Variants in PREX2 observed in about 807,000 individuals in gnomAD.
The protein encoded by PREX2 is phosphatidylinositol 3,4,5-trisphosphate-dependent Rac exchanger 2 protein.
PREX2 carries 107 observed loss-of-function variants against 203.2 expected under a neutral mutation model. That is an observed-to-expected ratio of 0.53 (90% CI 0.45 to 0.62). The LOEUF is 0.62. Among genes scored for constraint, PREX2 ranks in the 20% least tolerant of loss-of-function variants. The probability of loss-of-function intolerance (pLI) is 0.00; values close to 1 mark genes in which losing one functional copy is unlikely to be tolerated. For synonymous variants in PREX2, 672 were observed against 663.6 expected (o/e 1.01, Z -0.19); for missense variants, 1,777 against 1,955.9 (o/e 0.91, Z 1.72).
chr8:68,041,627 G>A (rs545253855), intron 7 of PREX2, among the ~76,000 whole-genome samples: 1 of 152,040 alleles, frequency 6.6e-6, no homozygotes, highest in Admixed American at 6.6e-5. Flanking sequence ...GCTCTTCTAG[G>A]TTCTCTGTGT....
In PREX2 at chr8:68,191,737, C is replaced by T; in HGVS notation, c.4362C>T (p.Asp1454=). ...YNQKLRAFYL[D]KSNSPPNSTS... is the part of the protein sequence containing the mutation. ...ATTCTTACAGGGCATTCTACTTGGA[C>T]AAGTCAAATTCACCACCAAACTCCA... Residue 1454 remains aspartate, a synonymous_variant, in exon 36 of 40, where the codon GAC becomes GAT. Coordinates refer to ENST00000288368, the MANE Select transcript of PREX2 (RefSeq NM_024870.4). 1 of 1,609,496 alleles carries T rather than the reference C, an allele frequency of 6.2e-7. No homozygotes were observed. Among genetic ancestry groups the T allele is most frequent in the Non-Finnish European group, 8.5e-7 (1 of 1,176,014 alleles).
At position 68,080,485 on chromosome 8, in the gene PREX2, G is replaced by A. The variant is rs182978151; in HGVS notation, c.1685G>A (p.Arg562His). Reference sequence around the variant, plus strand: ...TTCAAAGATGAACCCCTACTTTTCCGTTTTTTTTCGGATGAGGAAATGGAG... The same window carrying A: ...TTCAAAGATGAACCCCTACTTTTCCATTTTTTTTCGGATGAGGAAATGGAG... The part of the protein sequence containing the change: ...SEFKDEPLLF[R>H]FFSDEEMEGS... The change falls in exon 16 of 40, where the codon CGT becomes CAT. Residue 562 changes from arginine to histidine, a missense_variant. Transcript: ENST00000288368. 16 of 1,610,554 alleles carry A rather than the reference G, an allele frequency of 9.9e-6. No individual in the cohort carries two copies. The highest frequency in any genetic ancestry group is 2.7e-5 in the African/African-American group (2 of 74,600).
At chr8:68,063,039 C>G (rs1309017385) in intron 11 of PREX2, among the ~76,000 whole-genome samples, 1 of 152,094 alleles carries the variant, frequency 6.6e-6, no homozygotes, top group Admixed American at 6.5e-5. Flanking sequence ...GTTTCATTAG[C>G]ATCATTAAAA....
At chr8:68,189,412 C>T (rs904742547) in intron 35 of PREX2, among the ~76,000 whole-genome samples, 2 of 152,140 alleles carry the variant, frequency 1.3e-5, no homozygotes, top group African/African-American at 4.8e-5. Context: ...CAGCTCCTGC[C>T]CCATTGCATG....
intron 35 of PREX2, among the ~76,000 whole-genome samples, chr8:68,160,017 T>A (rs7831861): frequency 0.3 from 45,209 of 152,032 alleles, 7,006 homozygotes; most frequent in East Asian, 0.5. Flanking sequence ...ATCAGCAATA[T>A]CTCAAACAAA....
intron 15 of PREX2, among the ~76,000 whole-genome samples, chr8:68,078,442 C>T (rs1809414302): frequency 1.3e-5 from 2 of 152,264 alleles, no homozygotes; most frequent in East Asian, 1.9e-4. Flanking sequence ...GGATTATAGG[C>T]GTGAGCCACT....
chr8:68,020,655 G>C (rs1245986697), intron 3 of PREX2, among the ~76,000 whole-genome samples: 1 of 152,126 alleles, frequency 6.6e-6, no homozygotes, highest in Admixed American at 6.6e-5. Context: ...GGAAGATCAA[G>C]CTGTGTTTTT....
intron 23 of PREX2, chr8:68,102,829 G>GT (rs1206198174): frequency 7.7e-6 from 4 of 518,412 alleles, no homozygotes; most frequent in African/African-American, 7.7e-5. Flanking sequence ...GGCCACAGAT[G>GT]TTTTTTGGCA....
At chr8:68,089,591 G>A (rs910783469) in intron 19 of PREX2, among the ~76,000 whole-genome samples, 1 of 152,132 alleles carries the variant, frequency 6.6e-6, no homozygotes, top group Non-Finnish European at 1.5e-5. Context: ...TTTTCAGGCT[G>A]TTCTTTCTGC....
In PREX2 at chr8:68,182,560, G is replaced by T. The variant is rs1369162; in HGVS notation, c.4347-9162G>T. 3.8e-3 allele frequency among the ~76,000 whole-genome samples: 580 copies of T among 152,062 alleles called. 7 individuals are homozygous for T. The highest frequency in any genetic ancestry group is 0.013 in the African/African-American group (554 of 41,508). On this transcript the variant is annotated intron_variant, in intron 35 of 39. Coordinates refer to ENST00000288368, the MANE Select transcript of PREX2 (RefSeq NM_024870.4). Reference sequence around the variant, plus strand: ...AAAAATGTACATAATGATTTAATCTGTCTTTAAAATTAAACTCTGTAATAC... The same window carrying T: ...AAAAATGTACATAATGATTTAATCTTTCTTTAAAATTAAACTCTGTAATAC...
intron 39 of PREX2, among the ~76,000 whole-genome samples, chr8:68,227,720 T>C (rs890651121): frequency 6.6e-6 from 1 of 152,074 alleles, no homozygotes; most frequent in African/African-American, 2.4e-5. Context: ...GGACTGGAGA[T>C]GGTTGTTCTG....
At chr8:68,026,987 T>C (rs1019138396) in intron 4 of PREX2, among the ~76,000 whole-genome samples, 8 of 152,120 alleles carry the variant, frequency 5.3e-5, no homozygotes, top group African/African-American at 1.9e-4. Context: ...TCAGACTTCA[T>C]ACTCAGGAGA....
chr8:68,121,449 A>G (rs1175406574), intron 30 of PREX2, among the ~76,000 whole-genome samples: 1 of 152,166 alleles, frequency 6.6e-6, no homozygotes, highest in Admixed American at 6.5e-5. Flanking sequence ...AAATAATCAC[A>G]TAGGTTGCAT....
At chr8:68,105,064 G>A in intron 23 of PREX2, 7 of 1,151,454 alleles carry the variant, frequency 6.1e-6, no homozygotes, top group Non-Finnish European at 8.3e-6. Flanking sequence ...ATGTTTACAG[G>A]GCCATTTGCA....
chr8:68,210,934 T>A (rs16934309), intron 37 of PREX2, among the ~76,000 whole-genome samples: 9,064 of 152,248 alleles, frequency 0.06, 548 homozygotes, highest in East Asian at 0.33. Context: ...TATAGTGTAA[T>A]GAACCTAAGT....
intron 6 of PREX2, among the ~76,000 whole-genome samples, chr8:68,036,304 A>G: frequency 6.6e-6 from 1 of 152,210 alleles, no homozygotes; most frequent in Non-Finnish European, 1.5e-5. Flanking sequence ...TACTCCTTGC[A>G]TTTATTAAGA....
intron 1 of PREX2, among the ~76,000 whole-genome samples, chr8:68,015,953 A>G (rs1807398859): frequency 6.6e-6 from 1 of 152,170 alleles, no homozygotes; most frequent in Non-Finnish European, 1.5e-5. Context: ...ATTTCAGCTG[A>G]TGTTGAAGAG....
In PREX2 at chr8:68,231,364, G is replaced by C; in HGVS notation, c.4807G>C (p.Ala1603Pro). 2 of 1,599,548 alleles carry C rather than the reference G, an allele frequency of 1.3e-6. No homozygotes were observed. Among genetic ancestry groups the C allele is most frequent in the Non-Finnish European group, 1.7e-6 (2 of 1,173,964 alleles). ...CAAGCTGTGCGAGCCACCTCCCCCA[G>C]CTGGAGAAGAATGAAAAGAACTCCC... is the stretch of plus-strand genomic sequence containing the variant. ...LYKLCEPPPP[A>P]GEE Residue 1603 changes from alanine to proline, a missense_variant, in exon 40 of 40, where the codon GCT (alanine) becomes CCT (proline). Coordinates refer to ENST00000288368, the MANE Select transcript of PREX2 (RefSeq NM_024870.4).
In PREX2 at chr8:68,235,500, G is replaced by A; in HGVS notation, c.*4122G>A. 6.6e-6 allele frequency: 1 copy of A among 152,124 alleles called. No individual in the cohort carries two copies. Among genetic ancestry groups the A allele is most frequent in the East Asian group, 1.9e-4 (1 of 5,196 alleles). 9.4% of individuals were successfully genotyped at this position (152,124 alleles called of 1,614,324 possible). On this transcript the variant is annotated 3_prime_UTR_variant, in exon 40 of 40. Transcript: ENST00000288368. ...ATGAATTGTCGGTTGTCCTGCTTAA[G>A]TACTAGGGCCAAGCTTTGAAATGAC...
Sources: allele counts gnomAD v4.1 joint callset (sites outside exome capture counted in the v4.1 genomes callset), GRCh38; gene constraint gnomAD v4.1.1; transcripts MANE v1.5; gene names NCBI Gene and HGNC (gene_info 2026-07-23, HGNC 2026-07-21).